Variants in NCKAP5 observed in about 807,000 individuals in gnomAD.
NCKAP5 encodes NCK associated protein 5.
NCKAP5 carries 92 observed loss-of-function variants against 167.0 expected under a neutral mutation model. The observed-to-expected ratio is 0.55, with a 90% CI of 0.47 to 0.66. The LOEUF is 0.66. Among genes scored for constraint, NCKAP5 ranks in the 30% least tolerant of loss-of-function variants. NCKAP5 has a pLI of 0.00. For missense variants in NCKAP5, 2,378 were observed against 2,315.0 expected (o/e 1.03, Z -0.56); for synonymous variants, 891 against 877.4 (o/e 1.02, Z -0.27).
At chr2:133,165,698 A>C (rs1279891468) in intron 5 of NCKAP5, among the ~76,000 whole-genome samples, 1 of 152,136 alleles carries the variant, frequency 6.6e-6, no homozygotes, top group Non-Finnish European at 1.5e-5. Context: ...CTGTGTTATG[A>C]GCATGCAAGG....
chr2:133,614,988 C>T, the NCKAP5 span, among the ~76,000 whole-genome samples: 1 of 152,042 alleles, frequency 6.6e-6, no homozygotes, highest in Non-Finnish European at 1.5e-5. Flanking sequence ...GAGTGGGGGC[C>T]AATATTCAAC....
chr2:132,938,140 A>G (rs373575829), intron 8 of NCKAP5, among the ~76,000 whole-genome samples: 2 of 152,280 alleles, frequency 1.3e-5, no homozygotes, highest in South Asian at 2.1e-4. Context: ...GTCTACACAG[A>G]TGGCTGTCAA....
At chr2:132,960,796 T>TGGAAAATGAAGGTG (rs1394818782) in intron 8 of NCKAP5, among the ~76,000 whole-genome samples, 8 of 152,128 alleles carry the variant, frequency 5.3e-5, no homozygotes, top group African/African-American at 9.7e-5. Flanking sequence ...TGCATTTCAT[T>TGGAAAATGAAGGTG]TTCCACACCT....
chr2:132,767,481 G>T (rs1356625199), intron 16 of NCKAP5, among the ~76,000 whole-genome samples: 2 of 152,104 alleles, frequency 1.3e-5, no homozygotes, highest in South Asian at 4.1e-4. Flanking sequence ...CCTGACCTTA[G>T]GTTATCCACC....
intron 3 of NCKAP5, among the ~76,000 whole-genome samples, chr2:133,349,012 C>G (rs1237674813): frequency 6.6e-6 from 1 of 152,182 alleles, no homozygotes; most frequent in Non-Finnish European, 1.5e-5. Context: ...CTCTCAAGCA[C>G]TTTTTTTCCC....
chr2:133,154,804 G>C (rs2083513714), intron 5 of NCKAP5, among the ~76,000 whole-genome samples: 1 of 152,194 alleles, frequency 6.6e-6, no homozygotes, highest in African/African-American at 2.4e-5. Flanking sequence ...TGGTCTATTT[G>C]AGAAATTAAG....
At chr2:132,715,553 A>G (rs1329216289) in intron 19 of NCKAP5, among the ~76,000 whole-genome samples, 1 of 152,200 alleles carries the variant, frequency 6.6e-6, no homozygotes, top group Non-Finnish European at 1.5e-5. Flanking sequence ...GTAACTTTCA[A>G]GTCTGTAAAG....
the NCKAP5 span, among the ~76,000 whole-genome samples, chr2:133,658,829 T>C: frequency 3.2e-4 from 48 of 152,226 alleles, 1 homozygote; most frequent in Admixed American, 1.9e-3. Context: ...TCCTTGACTG[T>C]GGCTTCTTAA....
chr2:132,963,096 C>T (rs1480663302), intron 8 of NCKAP5, among the ~76,000 whole-genome samples: 1 of 151,996 alleles, frequency 6.6e-6, no homozygotes, highest in South Asian at 2.1e-4. Flanking sequence ...TCTTTGATGA[C>T]TGCTATAAAA....
At chr2:132,809,518 T>C (rs1281259046) in intron 11 of NCKAP5, among the ~76,000 whole-genome samples, 1 of 116,460 alleles carries the variant, frequency 8.6e-6, no homozygotes, top group Non-Finnish European at 1.6e-5. Context: ...CATTATATAA[T>C]GTCTCTCTTT....
At chr2:133,253,430 T>C (rs958953063) in intron 4 of NCKAP5, among the ~76,000 whole-genome samples, 4 of 152,220 alleles carry the variant, frequency 2.6e-5, no homozygotes, top group African/African-American at 9.6e-5. Context: ...ATGAAGGCTA[T>C]AGAAGACAGA....
chr2:133,316,092 A>T (rs1681589456), intron 3 of NCKAP5, among the ~76,000 whole-genome samples: 1 of 152,154 alleles, frequency 6.6e-6, no homozygotes. Context: ...TTGTAGGAGG[A>T]TGTTGCCAGT....
intron 5 of NCKAP5, among the ~76,000 whole-genome samples, chr2:133,207,329 G>C (rs1267054836): frequency 6.6e-6 from 1 of 151,990 alleles, no homozygotes; most frequent in Non-Finnish European, 1.5e-5. Flanking sequence ...GCTCTTTTGG[G>C]GGCTGGTTTC....
At chr2:132,828,545 T>C (rs918400480) in intron 11 of NCKAP5, among the ~76,000 whole-genome samples, 18 of 152,200 alleles carry the variant, frequency 1.2e-4, no homozygotes, top group African/African-American at 4.3e-4. Context: ...CAGATGCCAC[T>C]ATACTTCCTG....
the NCKAP5 span, among the ~76,000 whole-genome samples, chr2:133,607,322 C>T: frequency 6.6e-6 from 1 of 152,174 alleles, no homozygotes; most frequent in South Asian, 2.1e-4. Context: ...TACTGTCAGA[C>T]ATGGGAGCTC....
chr2:133,204,578 A>G (rs1459901004), intron 5 of NCKAP5, among the ~76,000 whole-genome samples: 1 of 152,200 alleles, frequency 6.6e-6, no homozygotes, highest in Non-Finnish European at 1.5e-5. Flanking sequence ...CATTTTTAGA[A>G]ACAGTGCTAA....
In NCKAP5 at chr2:133,154,582, A is replaced by T. The variant is rs533800198; in HGVS notation, c.208-24471T>A. Among the ~76,000 whole-genome samples the T allele has an allele frequency of 3.3e-5, 5 of 152,350 alleles. No homozygotes were observed. The East Asian group carries it at 7.7e-4, about 24-fold the overall frequency. ...GCTGCTTCTATAACTTACCATGGCAATAACACTTAAAGTCACAGAGGAATC... is the reference window on the plus strand; with the variant it reads ...GCTGCTTCTATAACTTACCATGGCATTAACACTTAAAGTCACAGAGGAATC... On this transcript the variant is annotated intron_variant, in intron 5 of 19. Coordinates refer to ENST00000409261, the MANE Select transcript of NCKAP5 (RefSeq NM_207363.3).
At chr2:133,559,336 CGCT>C (rs1558785212) in intron 1 of NCKAP5, among the ~76,000 whole-genome samples, 1 of 152,026 alleles carries the variant, frequency 6.6e-6, no homozygotes, top group Non-Finnish European at 1.5e-5. Flanking sequence ...TGGGCAAAAT[CGCT>C]GCTGATTTTT....
chr2:133,408,527 G>A (rs949065734), intron 3 of NCKAP5, among the ~76,000 whole-genome samples: 1 of 152,082 alleles, frequency 6.6e-6, no homozygotes, highest in Non-Finnish European at 1.5e-5. Flanking sequence ...TTTAGTTAAT[G>A]CTTGAAGAAC....
Sources: allele counts gnomAD v4.1 joint callset (sites outside exome capture counted in the v4.1 genomes callset), GRCh38; gene constraint gnomAD v4.1.1; transcripts MANE v1.5; gene names NCBI Gene and HGNC (gene_info 2026-07-23, HGNC 2026-07-21).